THSD7A: variants seen among roughly 807,000 people sequenced by gnomAD.
THSD7A encodes thrombospondin type-1 domain-containing protein 7A.
A neutral mutation model predicts 231.3 loss-of-function variants in THSD7A; 96 were observed. That is an observed-to-expected ratio of 0.41 (90% CI 0.35 to 0.49). The LOEUF (loss-of-function observed/expected upper bound fraction) is 0.49. Ranked by LOEUF, THSD7A falls within the 20% of genes least tolerant of loss-of-function variation. The pLI is 0.05. For missense variants in THSD7A, 2,290 were observed against 2,070.2 expected, an observed-to-expected ratio of 1.11 and a Z score of -2.06; for synonymous variants, 940 against 743.3, an observed-to-expected ratio of 1.26 and a Z score of -4.30.
intron 2 of THSD7A, among the ~76,000 whole-genome samples, chr7:11,595,527 TG>T (rs1316811295): frequency 1.3e-5 from 2 of 152,138 alleles, no homozygotes; most frequent in African/African-American, 4.8e-5. Flanking sequence ...GTGAGCGAGC[TG>T]GAAATGCCTG....
At chr7:11,545,638 G>A (rs923608056) in intron 4 of THSD7A, among the ~76,000 whole-genome samples, 1 of 152,146 alleles carries the variant, frequency 6.6e-6, no homozygotes, top group African/African-American at 2.4e-5. Context: ...GGGCTCCTGG[G>A]AAAGGGGTGA....
intron 6 of THSD7A, among the ~76,000 whole-genome samples, chr7:11,522,264 A>T (rs187770576): frequency 5.3e-4 from 80 of 152,206 alleles, no homozygotes; most frequent in African/African-American, 1.9e-3. Flanking sequence ...TGCTTCCCCC[A>T]TTTCCCTGTA....
intron 13 of THSD7A, among the ~76,000 whole-genome samples, chr7:11,437,138 G>A (rs1033059449): frequency 2.6e-5 from 4 of 152,100 alleles, no homozygotes; most frequent in African/African-American, 9.7e-5. Flanking sequence ...AGCCTGGCCT[G>A]AGGGGCTCTG....
At chr7:11,700,803 C>T (rs1780570563) in intron 1 of THSD7A, among the ~76,000 whole-genome samples, 1 of 151,242 alleles carries the variant, frequency 6.6e-6, no homozygotes, top group African/African-American at 2.4e-5. Context: ...ATGACCGCTC[C>T]ACAGCCCAAT....
chr7:11,645,527 G>T (rs556615566), intron 1 of THSD7A, among the ~76,000 whole-genome samples: 2 of 151,836 alleles, frequency 1.3e-5, no homozygotes, highest in African/African-American at 2.4e-5. Context: ...TGCATCAGAA[G>T]TTTATTACAA....
At chr7:11,701,422 T>C (rs1395720982) in intron 1 of THSD7A, among the ~76,000 whole-genome samples, 1 of 151,276 alleles carries the variant, frequency 6.6e-6, no homozygotes, top group Non-Finnish European at 1.5e-5. Flanking sequence ...GTGCCATCCT[T>C]GAATTTTTGT....
chr7:11,754,910 T>G (rs1199995920), intron 1 of THSD7A, among the ~76,000 whole-genome samples: 1 of 151,978 alleles, frequency 6.6e-6, no homozygotes, highest in Non-Finnish European at 1.5e-5. Flanking sequence ...ATTATATACA[T>G]GATCAGTGGT....
chr7:11,607,762 T>C (rs546077588), intron 2 of THSD7A, among the ~76,000 whole-genome samples: 1 of 152,294 alleles, frequency 6.6e-6, no homozygotes, highest in African/African-American at 2.4e-5. Context: ...AATGCACTCA[T>C]GTTAAAGCCA....
chr7:11,483,044 G>C (rs1786495140), intron 6 of THSD7A, among the ~76,000 whole-genome samples: 1 of 152,096 alleles, frequency 6.6e-6, no homozygotes, highest in Non-Finnish European at 1.5e-5. Context: ...CTGCTATTTT[G>C]GCACAGAATA....
chr7:11,778,902 A>G (rs927420790), intron 1 of THSD7A, among the ~76,000 whole-genome samples: 12 of 152,270 alleles, frequency 7.9e-5, no homozygotes, highest in African/African-American at 2.9e-4. Context: ...ATTAAGAGCA[A>G]TTTATAAAGC....
chr7:11,700,657 C>G (rs1455718246), intron 1 of THSD7A, among the ~76,000 whole-genome samples: 1 of 151,264 alleles, frequency 6.6e-6, no homozygotes, highest in South Asian at 2.1e-4. Context: ...ACTAAATCAT[C>G]TCTCACAATC....
chr7:11,448,459 T>C (rs1019686613), intron 11 of THSD7A, among the ~76,000 whole-genome samples: 3 of 152,146 alleles, frequency 2.0e-5, no homozygotes, highest in Admixed American at 6.6e-5. Context: ...CTCATTCAGA[T>C]TGATTTACTT....
At position 11,636,789 on chromosome 7, in the gene THSD7A, C is replaced by G. The variant is rs1393638035; in HGVS notation, c.363G>C (p.Leu121Phe). The G allele has an allele frequency of 7.4e-6, 12 of 1,613,884 alleles. No individual in the cohort carries two copies. Among genetic ancestry groups the G allele is most frequent in the Non-Finnish European group, 9.3e-6 (11 of 1,179,898 alleles). ...TCCAAGGTCCCAGTCTCCAGTCGTA[C>G]AACTCTTTGTGCCAATCGCAAACTT... ...CFKVCDWHKE[L>F]YDWRLGPWNQ... Residue 121 changes from leucine (L) to phenylalanine (F), a missense_variant, in exon 2 of 28, where the codon TTG (leucine) becomes TTC (phenylalanine). Physicochemically the swap from Leu to Phe is conservative, Grantham distance 22. Transcript: ENST00000423059. This position sits in a 1 kb window ranked among gnomAD's most constrained non-coding sequence, Gnocchi z 10.0.
chr7:11,395,841 T>C (rs1188613163), intron 23 of THSD7A, among the ~76,000 whole-genome samples: 1 of 152,100 alleles, frequency 6.6e-6, no homozygotes, highest in Non-Finnish European at 1.5e-5. Flanking sequence ...TATACACTCT[T>C]CTCAGCACCA....
rs375194191 is a variant in THSD7A at position 11,636,927 on chromosome 7, A to G, written c.225T>C (p.Gly75=). The change falls in exon 2 of 28, where the codon GGT becomes GGC. Residue 75 remains glycine, a synonymous_variant. Coordinates refer to ENST00000423059, the MANE Select transcript of THSD7A (RefSeq NM_015204.3). This position sits in a 1 kb window ranked among gnomAD's most constrained non-coding sequence, Gnocchi z 10.0. ...CAGCCCTCGTTTGGATGCCTCCGGG[A>G]CCACATTCATCTCCCATACATCGGC... ...PWGRCMGDEC[G]PGGIQTRAVW... The G allele has an allele frequency of 2.4e-4, 392 of 1,612,348 alleles. 5 individuals carry two copies. The Middle Eastern group carries it at 7.9e-3, about 33-fold the overall frequency.
intron 1 of THSD7A, among the ~76,000 whole-genome samples, chr7:11,723,167 C>T (rs1252908341): frequency 7.9e-5 from 12 of 151,820 alleles, no homozygotes; most frequent in East Asian, 3.9e-4. Flanking sequence ...TGAGTTCATG[C>T]CCTTTGTAGG....
At chr7:11,413,758 A>G (rs1783867214) in intron 17 of THSD7A, 1 of 152,198 alleles carries the variant, frequency 6.6e-6, no homozygotes, top group Non-Finnish European at 1.5e-5. Flanking sequence ...TGACACCACT[A>G]TAGTAGATTG....
intron 4 of THSD7A, among the ~76,000 whole-genome samples, chr7:11,579,869 T>C (rs1791082187): frequency 1.3e-5 from 2 of 152,184 alleles, no homozygotes; most frequent in African/African-American, 2.4e-5. Context: ...ACAATGCATG[T>C]GTTTCTGTTT....
chr7:11,405,815 C>G (rs1783562638), intron 22 of THSD7A, among the ~76,000 whole-genome samples: 1 of 152,044 alleles, frequency 6.6e-6, no homozygotes. Flanking sequence ...AATTATTTTT[C>G]TATATTTTAT....
Sources: gnomAD v4.1 joint callset for allele counts (sites outside exome capture counted in the v4.1 genomes callset) on GRCh38, gnomAD v4.1.1 for gene constraint, Gnocchi (gnomAD v3.1) non-coding constraint, MANE v1.5 for transcripts, NCBI Gene and HGNC (gene_info 2026-07-23, HGNC 2026-07-21) for gene names.